The following COG7 variants were observed in gnomAD, a reference collection of about 807,000 sequenced individuals.
COG7 encodes conserved oligomeric Golgi complex subunit 7.
COG7 carries 49 observed loss-of-function variants against 91.5 expected under a neutral mutation model. The observed-to-expected ratio is 0.54, with a 90% confidence interval of 0.43 to 0.68. COG7 has a LOEUF of 0.68. Among genes scored for constraint, COG7 ranks in the 30% least tolerant of loss-of-function variants. The pLI is 0.00. For missense variants in COG7, 895 were observed against 961.3 expected, an observed-to-expected ratio of 0.93 and a Z score of 0.91; for synonymous variants, 365 against 388.7, an observed-to-expected ratio of 0.94 and a Z score of 0.72.
chr16:23,409,761 T>C (rs549491655), intron 11 of COG7, among the ~76,000 whole-genome samples: 1 of 152,194 alleles, frequency 6.6e-6, no homozygotes, highest in East Asian at 1.9e-4. Context: ...CTGGCAGGTA[T>C]GAGAAGAGAG....
chr16:23,411,815 G>A (rs1457242540), intron 10 of COG7, among the ~76,000 whole-genome samples: 2 of 152,072 alleles, frequency 1.3e-5, no homozygotes, highest in African/African-American at 2.4e-5. Context: ...CCAAGTGAAC[G>A]GCCATTTCTC....
intron 4 of COG7, among the ~76,000 whole-genome samples, chr16:23,438,159 G>T (rs1964041669): frequency 6.6e-6 from 1 of 151,738 alleles, no homozygotes; most frequent in African/African-American, 2.4e-5. Context: ...ACAATCCATG[G>T]AATGGGAGAA....
intron 7 of COG7, among the ~76,000 whole-genome samples, chr16:23,424,477 T>C (rs2142081065): frequency 6.6e-6 from 1 of 152,270 alleles, no homozygotes; most frequent in African/African-American, 2.4e-5. Context: ...GCCTCTTTTA[T>C]ATCCCAAGCC....
At chr16:23,434,080 G>A (rs1035514128) in intron 5 of COG7, among the ~76,000 whole-genome samples, 6 of 152,140 alleles carry the variant, frequency 3.9e-5, no homozygotes, top group African/African-American at 7.2e-5. Context: ...AAGCTGTCAA[G>A]TTTTTTGGCA....
At chr16:23,433,256 A>T (rs559142983) in intron 6 of COG7, among the ~76,000 whole-genome samples, 2 of 152,112 alleles carry the variant, frequency 1.3e-5, no homozygotes, top group African/African-American at 2.4e-5. Context: ...ACACCTGGCT[A>T]ACTTTTGCAT....
chr16:23,401,361 C>G (rs753773621), intron 13 of COG7, among the ~76,000 whole-genome samples: 59 of 152,084 alleles, frequency 3.9e-4, no homozygotes, highest in Non-Finnish European at 7.6e-4. Context: ...GTGGTGAAGC[C>G]GGAATGAGAA....
At chr16:23,441,805 C>T (rs1398654338) in intron 4 of COG7, 1 of 152,286 alleles carries the variant, frequency 6.6e-6, no homozygotes, top group Non-Finnish European at 1.5e-5. Flanking sequence ...GCAGGCCAAT[C>T]TCATACTTAT....
rs765890529 is a variant in COG7, at chr16:23,388,906, G to A, written c.*14C>T. On this transcript the variant is annotated 3_prime_UTR_variant, in exon 17 of 17. Transcript: ENST00000307149. ...GCAGCCCTGGCTCTCTTGGTGGTCC[G>A]GTGTGTGGTGGGGTCAGTAATTCAC... 1.2e-5 allele frequency: 20 copies of A among 1,613,602 alleles called. No individual in the cohort carries two copies. The highest frequency in any genetic ancestry group is 1.2e-4 in the African/African-American group (9 of 74,824).
intron 13 of COG7, among the ~76,000 whole-genome samples, chr16:23,402,845 G>C (rs1233981189): frequency 6.6e-6 from 1 of 152,242 alleles, no homozygotes; most frequent in African/African-American, 2.4e-5. Flanking sequence ...CTCCCAGTGA[G>C]GGGGTGAGGC....
chr16:23,404,577 C>T (rs30014), intron 12 of COG7, among the ~76,000 whole-genome samples: 43,540 of 151,962 alleles, frequency 0.29, 7,064 homozygotes, highest in African/African-American at 0.44. Context: ...TCAGACATGT[C>T]CAGGCCCCCT....
At chr16:23,432,910 G>A (rs906848503) in intron 6 of COG7, among the ~76,000 whole-genome samples, 2 of 152,100 alleles carry the variant, frequency 1.3e-5, no homozygotes, top group African/African-American at 2.4e-5. Context: ...GCTTTTAGAT[G>A]GGAAGAAAAT....
chr16:23,391,007 TTC>T (rs1963186735), intron 16 of COG7, among the ~76,000 whole-genome samples: 1 of 152,268 alleles, frequency 6.6e-6, no homozygotes, highest in Non-Finnish European at 1.5e-5. Context: ...TTGAATGTCT[TTC>T]AGGTGTGCAT....
chr16:23,451,725 CAAAAAAAAAAA>C (rs34572078), intron 1 of COG7, among the ~76,000 whole-genome samples: 1 of 78,340 alleles, frequency 1.3e-5, no homozygotes, highest in African/African-American at 4.0e-5. Context: ...GACCCTGTCT[CAAAAAAAAAAA>C]AAAAAAAAAG....
At chr16:23,394,073 AC>A (rs1011431734) in intron 14 of COG7, among the ~76,000 whole-genome samples, 3 of 148,680 alleles carry the variant, frequency 2.0e-5, no homozygotes, top group African/African-American at 7.4e-5. Flanking sequence ...AAAAAAAAAA[AC>A]CTGTCTTCTG....
chr16:23,430,969 G>C (rs1374427240), intron 6 of COG7, among the ~76,000 whole-genome samples: 1 of 151,756 alleles, frequency 6.6e-6, no homozygotes, highest in Non-Finnish European at 1.5e-5. Flanking sequence ...TTCGACACCA[G>C]CCTGGGCAAC....
chr16:23,442,643 G>C lies in COG7; in HGVS notation c.438C>G (p.Asp146Glu), dbSNP rs754017623. The C allele has an allele frequency of 6.2e-7, 1 of 1,612,728 alleles. No homozygotes were observed. The highest frequency in any genetic ancestry group is 8.5e-7 in the Non-Finnish European group (1 of 1,178,718). Residue 146 changes from aspartate to glutamate, a missense_variant and splice_region_variant, in exon 4 of 17, where the codon GAC becomes GAG. Coordinates refer to ENST00000307149, the MANE Select transcript of COG7 (RefSeq NM_153603.4). The part of the protein sequence containing the change: ...ADIEETFKTQ[D>E]IAVISAKLTG... ...TTAGCTTGGCAGAAATCACAGCTAT[G>C]TCCTAGAAAAGACCAGAATAGAGAA... is the stretch of plus-strand genomic sequence containing the variant.
intron 6 of COG7, among the ~76,000 whole-genome samples, chr16:23,430,833 G>A (rs912343374): frequency 2.0e-5 from 3 of 151,804 alleles, no homozygotes; most frequent in African/African-American, 7.3e-5. Flanking sequence ...GAAACACCAC[G>A]CCCAGTCTTG....
intron 12 of COG7, among the ~76,000 whole-genome samples, chr16:23,405,013 G>A (rs1449875694): frequency 6.6e-6 from 1 of 152,184 alleles, no homozygotes; most frequent in Non-Finnish European, 1.5e-5. Context: ...AGACCAGTGA[G>A]GGAGGAGGAC....
At chr16:23,442,681 A>G in intron 3 of COG7, 36 bp from the exon 4 acceptor site, 2 of 1,567,898 alleles carry the variant, frequency 1.3e-6, no homozygotes, top group Non-Finnish European at 1.8e-6. Context: ...TTTATTTTAA[A>G]TGATCCCTAC....
Sources: allele counts gnomAD v4.1 joint callset (sites outside exome capture counted in the v4.1 genomes callset), GRCh38; gene constraint gnomAD v4.1.1; transcripts MANE v1.5; gene names NCBI Gene and HGNC (gene_info 2026-07-23, HGNC 2026-07-21).